The following ASAP1 variants were observed in gnomAD, a reference collection of about 807,000 sequenced individuals.
ASAP1 encodes the protein ArfGAP with SH3 domain, ankyrin repeat and PH domain 1.
In ASAP1, 43 loss-of-function variants were observed where a neutral mutation model predicts 145.2. The ratio of observed to expected loss-of-function variants is 0.30; its 90% confidence interval spans 0.23 to 0.38. The LOEUF (loss-of-function observed/expected upper bound fraction) is 0.38, where lower values mean the gene tolerates loss of function less well. Among genes scored for constraint, ASAP1 ranks in the 10% least tolerant of loss-of-function variants. The probability of loss-of-function intolerance (pLI) is 1.00; values close to 1 mark genes in which losing one functional copy is unlikely to be tolerated. For synonymous variants in ASAP1, 546 were observed against 515.5 expected, an observed-to-expected ratio of 1.06 and a Z score of -0.80; for missense variants, 1,018 against 1,355.3, an observed-to-expected ratio of 0.75 and a Z score of 3.91.
intron 1 of ASAP1, among the ~76,000 whole-genome samples, chr8:130,413,432 C>T (rs539413176): frequency 2.6e-5 from 4 of 152,270 alleles, no homozygotes; most frequent in South Asian, 2.1e-4. Context: ...TGAAACAGGA[C>T]GTGTCTCCTA....
chr8:130,231,703 T>C (rs7834461), intron 4 of ASAP1, among the ~76,000 whole-genome samples: 84,255 of 152,098 alleles, frequency 0.55, 24,598 homozygotes, highest in African/African-American at 0.74. Flanking sequence ...ATTAACATTT[T>C]CAACCTAATT....
chr8:130,371,960 G>A (rs1275801367), intron 2 of ASAP1, among the ~76,000 whole-genome samples: 1 of 152,194 alleles, frequency 6.6e-6, no homozygotes, highest in Non-Finnish European at 1.5e-5. Context: ...CTCAGAAGTG[G>A]TCAAATGAGA....
intron 3 of ASAP1, among the ~76,000 whole-genome samples, chr8:130,270,613 C>A (rs1820529907): frequency 6.6e-6 from 1 of 152,354 alleles, no homozygotes; most frequent in Non-Finnish European, 1.5e-5. Context: ...ACTAAACCAA[C>A]TAGGCTAAAT....
At chr8:130,225,235 G>C (rs1817520989) in intron 4 of ASAP1, among the ~76,000 whole-genome samples, 1 of 152,164 alleles carries the variant, frequency 6.6e-6, no homozygotes, top group Non-Finnish European at 1.5e-5. Flanking sequence ...TAACTTGTTA[G>C]TGGTGTCCTT....
At chr8:130,210,567 A>T (rs1816517034) in intron 5 of ASAP1, among the ~76,000 whole-genome samples, 1 of 152,218 alleles carries the variant, frequency 6.6e-6, no homozygotes, top group African/African-American at 2.4e-5. Flanking sequence ...AAAAACAACC[A>T]AGAAAGTACC....
At chr8:130,159,351 G>A (rs915755975) in intron 12 of ASAP1, among the ~76,000 whole-genome samples, 3 of 151,860 alleles carry the variant, frequency 2.0e-5, no homozygotes, top group South Asian at 2.1e-4. Context: ...GGCCGGGCAC[G>A]GTGGCTCACA....
intron 2 of ASAP1, among the ~76,000 whole-genome samples, chr8:130,375,605 T>C (rs1827448929): frequency 6.6e-6 from 1 of 151,234 alleles, no homozygotes; most frequent in Non-Finnish European, 1.5e-5. Flanking sequence ...TGCTTTGAAA[T>C]GTGTTAATAG....
intron 3 of ASAP1, among the ~76,000 whole-genome samples, chr8:130,323,774 C>T (rs7006481): frequency 0.018 from 2,683 of 152,240 alleles, 92 homozygotes; most frequent in African/African-American, 0.061. Flanking sequence ...AGGCACTCAG[C>T]AGATCTTTGA....
chr8:130,401,893 T>C lies in ASAP1; in HGVS notation c.51A>G (p.Leu17=), dbSNP rs760207095. Reference sequence around the variant, plus strand: ...GGCTAGAGATCACTCACCGATTCCATAGTGAATCTCTCGACGAAAAACTGG... The same window carrying C: ...GGCTAGAGATCACTCACCGATTCCACAGTGAATCTCTCGACGAAAAACTGG... ...RLSSFSSRDS[L]WNRMPDQISV... is the part of the protein sequence containing the mutation. The change falls in exon 2 of 30, where the codon CTA becomes CTG. Residue 17 remains leucine, a synonymous_variant. Transcript: ENST00000518721. The C allele has an allele frequency of 1.4e-5, 23 of 1,613,538 alleles. No individual in the cohort carries two copies. The highest frequency in any genetic ancestry group is 8.8e-5 in the South Asian group (8 of 90,988).
intron 2 of ASAP1, among the ~76,000 whole-genome samples, chr8:130,366,311 A>G (rs1421397692): frequency 6.6e-6 from 1 of 152,236 alleles, no homozygotes; most frequent in South Asian, 2.1e-4. Context: ...AATTTGGGGC[A>G]AGAGGACTGT....
At chr8:130,073,686 G>C (rs575130586) in intron 27 of ASAP1, among the ~76,000 whole-genome samples, 13 of 152,222 alleles carry the variant, frequency 8.5e-5, no homozygotes, top group Non-Finnish European at 1.8e-4. Flanking sequence ...AAGGAAGACA[G>C]GGCTGAAGCT....
At chr8:130,160,830 G>C (rs1279748516) in intron 11 of ASAP1, 1 of 1,273,932 alleles carries the variant, frequency 7.8e-7, no homozygotes, top group African/African-American at 1.5e-5. Context: ...AGAGAAAAAA[G>C]GCAGAACATT....
intron 2 of ASAP1, among the ~76,000 whole-genome samples, chr8:130,390,476 C>G (rs1254914452): frequency 6.6e-6 from 1 of 152,174 alleles, no homozygotes; most frequent in African/African-American, 2.4e-5. Flanking sequence ...GTATTTAAGG[C>G]ATAATATGCT....
In ASAP1 at chr8:130,237,087, T is replaced by C. The variant is rs1334155267; in HGVS notation, c.187-93A>G. On this transcript the variant is annotated intron_variant, in intron 3 of 29. Coordinates refer to ENST00000518721, the MANE Select transcript of ASAP1 (RefSeq NM_018482.4). ...TCATTTGTAATTGCATTTGTTTTCC[T>C]GAGTACCAAAGCAACAGCAAACTGA... 5 of 964,324 alleles carry C rather than the reference T, an allele frequency of 5.2e-6. No homozygotes were observed. In the South Asian group the frequency reaches 9.1e-5, roughly 18 times the overall value. 59.7% of individuals were successfully genotyped at this position (964,324 alleles called of 1,614,324 possible). A position where few individuals can be genotyped will look rare whatever the true frequency, so the allele number is the denominator to read the frequency against.
intron 5 of ASAP1, among the ~76,000 whole-genome samples, chr8:130,194,530 T>C (rs1815350854): frequency 6.6e-6 from 1 of 152,208 alleles, no homozygotes; most frequent in African/African-American, 2.4e-5. Context: ...ACTTCTATAG[T>C]TCTTTCAGGA....
At chr8:130,428,244 T>C (rs1442691048) in intron 1 of ASAP1, among the ~76,000 whole-genome samples, 3 of 151,746 alleles carry the variant, frequency 2.0e-5, no homozygotes, top group African/African-American at 7.3e-5. Flanking sequence ...GCTCCTAGTA[T>C]AATACCAACG....
At chr8:130,284,745 C>T (rs1821491758) in intron 3 of ASAP1, among the ~76,000 whole-genome samples, 1 of 151,766 alleles carries the variant, frequency 6.6e-6, no homozygotes, top group South Asian at 2.1e-4. Flanking sequence ...GACAGCTTTG[C>T]ACAGAAGAAA....
At chr8:130,353,573 G>A (rs1463437054) in intron 3 of ASAP1, among the ~76,000 whole-genome samples, 1 of 152,192 alleles carries the variant, frequency 6.6e-6, no homozygotes, top group East Asian at 1.9e-4. Flanking sequence ...ACTGTTTTAA[G>A]ATTTCTAAAC....
chr8:130,213,471 T>C (rs1458533562), intron 5 of ASAP1, among the ~76,000 whole-genome samples: 1 of 152,200 alleles, frequency 6.6e-6, no homozygotes, highest in South Asian at 2.1e-4. Flanking sequence ...CTTTTGTATC[T>C]AATGGATTAT....
Sources: gnomAD v4.1 joint callset for allele counts (sites outside exome capture counted in the v4.1 genomes callset) on GRCh38, gnomAD v4.1.1 for gene constraint, MANE v1.5 for transcripts, NCBI Gene and HGNC (gene_info 2026-07-23, HGNC 2026-07-21) for gene names.